The following TTC21B variants were observed in gnomAD, a reference collection of about 807,000 sequenced individuals.
The protein encoded by TTC21B is tetratricopeptide repeat domain 21B.
A neutral mutation model predicts 175.1 loss-of-function variants in TTC21B; 127 were observed. That is an observed-to-expected ratio of 0.73 (90% confidence interval 0.63 to 0.84). The LOEUF (loss-of-function observed/expected upper bound fraction) is 0.84, where lower values mean the gene tolerates loss of function less well. Ranked by LOEUF, TTC21B falls within the 40% of genes least tolerant of loss-of-function variation. TTC21B has a pLI of 0.00. For missense variants in TTC21B, 1,561 were observed against 1,558.3 expected (o/e 1.00, Z -0.03); for synonymous variants, 524 against 524.5 (o/e 1.00, Z 0.01).
At chr2:165,879,980 G>C (rs75177430) in intron 27 of TTC21B, 3 of 152,758 alleles carry the variant, frequency 2.0e-5, no homozygotes, top group Non-Finnish European at 4.4e-5. Flanking sequence ...GTAAGAGGGA[G>C]GCATTCTGTA....
chr2:165,927,338 A>G (rs1269559427), intron 11 of TTC21B, among the ~76,000 whole-genome samples: 1 of 68,668 alleles, frequency 1.5e-5, no homozygotes, highest in African/African-American at 4.1e-5. Context: ...TATAATATAT[A>G]ATATATATAT....
At chr2:165,911,524 G>A (rs1685933674) in intron 17 of TTC21B, 59 bp from the exon 18 acceptor site, 1 of 1,592,866 alleles carries the variant, frequency 6.3e-7, no homozygotes, top group Non-Finnish European at 8.6e-7. Context: ...TTCAAGCAGA[G>A]CTATTTAATA....
At chr2:165,949,841 T>A in intron 1 of TTC21B, 117 bp from the exon 2 acceptor site, 1 of 993,934 alleles carries the variant, frequency 1.0e-6, no homozygotes, top group Non-Finnish European at 1.5e-6. Context: ...TGTGACTTTT[T>A]TCTTCCAAGT....
Position 165,887,915 on chromosome 2 carries a change from G to T in TTC21B, c.3459+364C>A, listed in dbSNP as rs534131854. On this transcript the variant is annotated intron_variant, in intron 25 of 28. Coordinates refer to ENST00000243344, the MANE Select transcript of TTC21B (RefSeq NM_024753.5). ...CAAGTTCATGTAAGTGAAGAAGTAA[G>T]ATATCAGGGCAGCCAGGTGTTTATT... is the stretch of plus-strand genomic sequence containing the variant. 5.9e-5 allele frequency among the ~76,000 whole-genome samples: 9 copies of T among 152,276 alleles called. No homozygotes were observed. The East Asian group carries it at 1.7e-3, about 29-fold the overall frequency.
At chr2:165,929,416 A>G (rs374941288) in intron 10 of TTC21B, 81 bp from the exon 11 acceptor site, 2 of 1,164,460 alleles carry the variant, frequency 1.7e-6, no homozygotes, top group African/African-American at 1.5e-5. Flanking sequence ...AATGCATATA[A>G]TGTGCTACTG....
Position 165,950,899 on chromosome 2 carries a change from C to T in TTC21B, c.22-1175G>A, listed in dbSNP as rs540182803. Among the ~76,000 whole-genome samples the T allele has an allele frequency of 5.3e-5, 8 of 152,286 alleles. 1 individual carries two copies. The highest frequency in any genetic ancestry group is 1.7e-4 in the African/African-American group (7 of 41,560). On this transcript the variant is annotated intron_variant, in intron 1 of 28. Transcript: ENST00000243344. The stretch of plus-strand genomic sequence containing the variant: ...CTGAGATTACAGGCGTGAGCCACCA[C>T]GCCCGTCCGACAGCTCTGTTTTATA...
Position 165,918,094 on chromosome 2 carries a change from C to T in TTC21B, c.1675-613G>A, listed in dbSNP as rs567497625. Among the ~76,000 whole-genome samples, 24 of 152,240 alleles carry T rather than the reference C, an allele frequency of 1.6e-4. No individual in the cohort carries two copies. The South Asian group carries it at 1.9e-3, about 12-fold the overall frequency. On this transcript the variant is annotated intron_variant, in intron 13 of 28. Transcript: ENST00000243344. ...ACGAGGTGACGTGGCAGCCACCTAG[C>T]GATTAGGAAGTCTATAATCCTCCTG...
intron 15 of TTC21B, among the ~76,000 whole-genome samples, chr2:165,914,385 T>C (rs1167193774): frequency 6.6e-6 from 1 of 152,150 alleles, no homozygotes; most frequent in Admixed American, 6.5e-5. Flanking sequence ...GAGATGACAG[T>C]GATAATCTTC....
At chr2:165,943,385 G>T in intron 4 of TTC21B, 44 bp from the exon 5 acceptor site, 1 of 1,428,646 alleles carries the variant, frequency 7.0e-7, no homozygotes, top group Non-Finnish European at 9.7e-7. Context: ...AGAAATGAGA[G>T]AAATAAATGT....
chr2:165,933,356 GAAT>G (rs890018886), intron 6 of TTC21B, among the ~76,000 whole-genome samples: 3 of 152,034 alleles, frequency 2.0e-5, no homozygotes, highest in African/African-American at 7.2e-5. Context: ...TATAGTAAAA[GAAT>G]AATTCACCTT....
chr2:165,917,305 T>C lies in TTC21B; in HGVS notation c.1851A>G (p.Leu617=), dbSNP rs1267179534. The C allele has an allele frequency of 2.5e-6, 4 of 1,614,104 alleles. No homozygotes were observed. Among genetic ancestry groups the C allele is most frequent in the African/African-American group, 2.7e-5 (2 of 74,946 alleles). Residue 617 remains leucine, a synonymous_variant, in exon 14 of 29, where the codon TTA becomes TTG. Transcript: ENST00000243344. The part of the protein sequence containing the change: ...RKTEVDTSHR[L]SIFLELIDVH... ...CGTCTATCAATTCAAGAAAGATCGA[T>C]AAACGATGGCTTGTATCAACTTCAG...
chr2:165,907,210 T>C (rs769446491), intron 19 of TTC21B, among the ~76,000 whole-genome samples: 2 of 152,108 alleles, frequency 1.3e-5, no homozygotes, highest in Non-Finnish European at 2.9e-5. Flanking sequence ...GCAGATAGTA[T>C]ATTTGATAAT....
chr2:165,908,136 GC>G (rs1405154194), intron 18 of TTC21B, among the ~76,000 whole-genome samples: 1 of 152,096 alleles, frequency 6.6e-6, no homozygotes, highest in East Asian at 1.9e-4. Context: ...GTTGCTATAT[GC>G]AATTAAGAAG....
At chr2:165,875,684 T>C (rs1418561566) in intron 28 of TTC21B, among the ~76,000 whole-genome samples, 2 of 152,160 alleles carry the variant, frequency 1.3e-5, no homozygotes, top group Non-Finnish European at 2.9e-5. Flanking sequence ...AATTCTCTAA[T>C]AACCAGATTC....
rs753627675 is a variant in TTC21B, at chr2:165,929,748, C to G, written c.1088-1G>C. The G allele has an allele frequency of 6.8e-6, 11 of 1,606,082 alleles. No homozygotes were observed. The highest frequency in any genetic ancestry group is 1.7e-6 in the Non-Finnish European group (2 of 1,174,318). On this transcript the variant is annotated splice_acceptor_variant, in intron 9 of 28. Coordinates refer to ENST00000243344, the MANE Select transcript of TTC21B (RefSeq NM_024753.5). LOFTEE classifies it high-confidence loss of function. ...TCTATCAACTGACATTGGATAAATC[C>G]TAAAATCAAACAGCAGAAAGACAGT...
rs776678493 is a variant in TTC21B at position 165,943,272 on chromosome 2, A to C, written c.499T>G (p.Tyr167Asp). Residue 167 changes from tyrosine to aspartate, a missense_variant, in exon 5 of 29, where the codon TAT becomes GAT. Transcript: ENST00000243344. The part of the protein sequence containing the change: ...KEPYTKKALK[Y>D]FEEGLQDGND... ...CCATCTTGGAGTCCCTCTTCAAAAT[A>C]CTTCAGTGCTTTTTTAGTGTAAGGC... is the stretch of plus-strand genomic sequence containing the variant. 11 of 1,613,028 alleles carry C rather than the reference A, an allele frequency of 6.8e-6. No individual in the cohort carries two copies. In the East Asian group the frequency reaches 2.0e-4, roughly 29 times the overall value.
At chr2:165,892,470 T>C (rs533121872) in intron 22 of TTC21B, among the ~76,000 whole-genome samples, 1 of 152,302 alleles carries the variant, frequency 6.6e-6, no homozygotes, top group African/African-American at 2.4e-5. Context: ...CACATGTCCA[T>C]TGTGTTTGAA....
At chr2:165,876,129 T>C in intron 28 of TTC21B, 36 bp downstream of exon 28, 2 of 1,313,456 alleles carry the variant, frequency 1.5e-6, no homozygotes, top group Non-Finnish European at 2.2e-6. Context: ...ATTGTGCATC[T>C]GAAAAATTTT....
At chr2:165,925,012 AG>A (rs1686576299) in intron 11 of TTC21B, among the ~76,000 whole-genome samples, 1 of 152,218 alleles carries the variant, frequency 6.6e-6, no homozygotes, top group African/African-American at 2.4e-5. Context: ...GATAACTGAG[AG>A]GTACAGTTTC....
Sources: allele counts gnomAD v4.1 joint callset (sites outside exome capture counted in the v4.1 genomes callset), GRCh38; gene constraint gnomAD v4.1.1; transcripts MANE v1.5; gene names NCBI Gene and HGNC (gene_info 2026-07-23, HGNC 2026-07-21).